The following ATRNL1 variants were observed in gnomAD, a reference collection of about 807,000 sequenced individuals.
ATRNL1 encodes attractin like 1, also known as attractin-like protein 1.
In ATRNL1, 95 loss-of-function variants were observed where a neutral mutation model predicts 182.7. The observed-to-expected ratio is 0.52, with a 90% CI of 0.44 to 0.62. ATRNL1 has a LOEUF of 0.62. Ranked by LOEUF, ATRNL1 falls within the 20% of genes least tolerant of loss-of-function variation. ATRNL1 has a pLI of 0.00. For missense variants in ATRNL1, 1,471 were observed against 1,679.5 expected, an observed-to-expected ratio of 0.88 and a Z score of 2.17; for synonymous variants, 576 against 568.3, an observed-to-expected ratio of 1.01 and a Z score of -0.19.
chr10:115,162,595 T>G (rs143413099), intron 6 of ATRNL1, among the ~76,000 whole-genome samples: 2 of 151,320 alleles, frequency 1.3e-5, no homozygotes, highest in Non-Finnish European at 2.9e-5. Flanking sequence ...ATTTTAAAAG[T>G]GTTACCATGG....
intron 18 of ATRNL1, among the ~76,000 whole-genome samples, chr10:115,317,442 G>A (rs1372750658): frequency 2.0e-5 from 3 of 152,124 alleles, no homozygotes; most frequent in Non-Finnish European, 2.9e-5. Context: ...GTCAATTGTA[G>A]CTTGATGGGA....
At chr10:115,167,332 G>T (rs1554884628) in intron 7 of ATRNL1, among the ~76,000 whole-genome samples, 2 of 151,892 alleles carry the variant, frequency 1.3e-5, no homozygotes, top group Non-Finnish European at 2.9e-5. Flanking sequence ...GTTAAGAAGT[G>T]TGATACTTCC....
chr10:115,540,714 G>T (rs1483578366), intron 25 of ATRNL1, among the ~76,000 whole-genome samples: 1 of 149,348 alleles, frequency 6.7e-6, no homozygotes, highest in Non-Finnish European at 1.5e-5. Context: ...CTAAGATCAT[G>T]CCATTGCACT....
intron 14 of ATRNL1, among the ~76,000 whole-genome samples, chr10:115,282,196 T>C (rs1554917148): frequency 1.4e-5 from 2 of 146,888 alleles, no homozygotes; most frequent in African/African-American, 4.9e-5. Context: ...ATAAATTATA[T>C]TTTAATATAT....
intron 26 of ATRNL1, among the ~76,000 whole-genome samples, chr10:115,721,299 C>T (rs1184978924): frequency 3.3e-5 from 5 of 152,226 alleles, no homozygotes; most frequent in Admixed American, 1.3e-4. Context: ...TGAGTGATAA[C>T]GTATTTACTT....
chr10:115,711,891 TCTC>T (rs1947073346), intron 26 of ATRNL1, among the ~76,000 whole-genome samples: 1 of 152,138 alleles, frequency 6.6e-6, no homozygotes, highest in South Asian at 2.1e-4. Flanking sequence ...TTAAATAAAA[TCTC>T]CTCACTTTAT....
chr10:115,306,064 A>G (rs548019628), intron 17 of ATRNL1, among the ~76,000 whole-genome samples: 12 of 152,312 alleles, frequency 7.9e-5, no homozygotes, highest in African/African-American at 2.2e-4. Flanking sequence ...ATTATTTAGA[A>G]TTAAGCTTAT....
chr10:115,472,943 A>G (rs781873787), intron 24 of ATRNL1, among the ~76,000 whole-genome samples: 1 of 151,136 alleles, frequency 6.6e-6, no homozygotes, highest in Non-Finnish European at 1.5e-5. Flanking sequence ...AACCTTCTGC[A>G]TCTTGCCATT....
At chr10:115,224,298 C>T (rs982202811) in intron 9 of ATRNL1, among the ~76,000 whole-genome samples, 6 of 151,804 alleles carry the variant, frequency 4.0e-5, no homozygotes, top group Non-Finnish European at 8.8e-5. Context: ...AATGATGACA[C>T]ATCAAAATGC....
At chr10:115,522,274 T>C (rs782377543) in intron 25 of ATRNL1, among the ~76,000 whole-genome samples, 7 of 152,168 alleles carry the variant, frequency 4.6e-5, no homozygotes, top group South Asian at 2.1e-4. Flanking sequence ...GGTGCCAGCA[T>C]GTGCATCTGG....
At chr10:115,881,136 AG>A (rs1951818163) in intron 28 of ATRNL1, among the ~76,000 whole-genome samples, 1 of 152,176 alleles carries the variant, frequency 6.6e-6, no homozygotes, top group African/African-American at 2.4e-5. Context: ...TTTTATGCTC[AG>A]GGCATTGCCT....
intron 21 of ATRNL1, among the ~76,000 whole-genome samples, chr10:115,436,977 C>G (rs782691089): frequency 6.6e-6 from 1 of 151,934 alleles, no homozygotes; most frequent in African/African-American, 2.4e-5. Flanking sequence ...TATTTCCAAA[C>G]TTTATAGAGC....
intron 25 of ATRNL1, among the ~76,000 whole-genome samples, chr10:115,534,892 C>G (rs1358542539): frequency 1.3e-5 from 2 of 152,130 alleles, no homozygotes; most frequent in African/African-American, 2.4e-5. Context: ...ATATGAAATT[C>G]TGGGTTGAAA....
At position 115,868,822 on chromosome 10, in the gene ATRNL1, CTTTTTTTT is replaced by C. The variant is rs67676674; in HGVS notation, c.4018+20849_4018+20856del. Among the ~76,000 whole-genome samples, 16 of 58,084 alleles carry C rather than the reference CTTTTTTTT, an allele frequency of 2.8e-4. 1 individual carries two copies. The highest frequency in any genetic ancestry group is 5.1e-4 in the Non-Finnish European group (16 of 31,540). The allele number at this position is 58,084 out of a possible 152,430, so 38.1% of individuals were successfully genotyped here. A position where few individuals can be genotyped will look rare whatever the true frequency, so the allele number is the denominator to read the frequency against. On this transcript the variant is annotated intron_variant, in intron 28 of 28. Transcript: ENST00000355044. ...ATATATCTGGTGGCAAGTCTTTATT[CTTTTTTTT>C]TTTTTTTTTTTTTTTTTGAGACGGA...
At chr10:115,625,268 G>A (rs904680164) in intron 26 of ATRNL1, among the ~76,000 whole-genome samples, 3 of 152,080 alleles carry the variant, frequency 2.0e-5, no homozygotes, top group South Asian at 2.1e-4. Context: ...CATTTTGTTC[G>A]AAATTGTATG....
chr10:115,674,935 G>A (rs1555042493), intron 26 of ATRNL1, among the ~76,000 whole-genome samples: 1 of 152,070 alleles, frequency 6.6e-6, no homozygotes, highest in East Asian at 1.9e-4. Flanking sequence ...TGTCATGACT[G>A]TATCACCAAA....
At position 115,889,335 on chromosome 10, in the gene ATRNL1, T is replaced by A. The variant is rs1271753409; in HGVS notation, c.4018+41344T>A. Among the ~76,000 whole-genome samples, 11 of 135,190 alleles carry A rather than the reference T, an allele frequency of 8.1e-5. No individual in the cohort carries two copies. The East Asian group carries it at 2.9e-3, about 36-fold the overall frequency. The allele number at this position is 135,190 out of a possible 152,430, so 88.7% of individuals were successfully genotyped here. A position where few individuals can be genotyped will look rare whatever the true frequency, so the allele number is the denominator to read the frequency against. Reference sequence around the variant, plus strand: ...ACCCCCACCTCCCAAAGTCAGTTTTTTGGGGTTTTTGTTTGTTTTTGAGAC... The same window carrying A: ...ACCCCCACCTCCCAAAGTCAGTTTTATGGGGTTTTTGTTTGTTTTTGAGAC... On this transcript the variant is annotated intron_variant, in intron 28 of 28. Coordinates refer to ENST00000355044, the MANE Select transcript of ATRNL1 (RefSeq NM_207303.4).
chr10:115,543,785 G>T (rs571848849), intron 25 of ATRNL1, among the ~76,000 whole-genome samples: 2 of 152,114 alleles, frequency 1.3e-5, no homozygotes, highest in East Asian at 3.9e-4. Context: ...CTTTCAAAAT[G>T]ACCATTTTAT....
intron 1 of ATRNL1, among the ~76,000 whole-genome samples, chr10:115,094,419 G>A (rs782024658): frequency 1.3e-5 from 2 of 152,206 alleles, no homozygotes; most frequent in Non-Finnish European, 2.9e-5. Context: ...AGTTACTTAT[G>A]AAATACATGC....
Sources: gnomAD v4.1 joint callset for allele counts (sites outside exome capture counted in the v4.1 genomes callset) on GRCh38, gnomAD v4.1.1 for gene constraint, MANE v1.5 for transcripts, NCBI Gene and HGNC (gene_info 2026-07-23, HGNC 2026-07-21) for gene names.